The following PKP4 variants were observed in gnomAD, a reference collection of about 807,000 sequenced individuals.
The protein encoded by PKP4 is plakophilin 4.
Under a neutral mutation model 145.1 loss-of-function variants are expected in PKP4, and 90 were observed. The ratio of observed to expected loss-of-function variants is 0.62; its 90% CI spans 0.52 to 0.74. PKP4 has a LOEUF of 0.74. Among genes scored for constraint, PKP4 ranks in the 30% least tolerant of loss-of-function variants. The pLI is 0.00. For missense variants in PKP4, 1,340 were observed against 1,482.7 expected (o/e 0.90, Z 1.58); for synonymous variants, 563 against 577.2 (o/e 0.98, Z 0.35).
chr2:158,593,963 T>G (rs997682886), intron 3 of PKP4, among the ~76,000 whole-genome samples: 7 of 152,240 alleles, frequency 4.6e-5, no homozygotes, highest in Non-Finnish European at 1.0e-4. Context: ...CTGTCCCTGT[T>G]GCTCATGATT....
At chr2:158,643,309 G>A (rs1322195760) in intron 11 of PKP4, among the ~76,000 whole-genome samples, 1 of 152,196 alleles carries the variant, frequency 6.6e-6, no homozygotes, top group Admixed American at 6.5e-5. Flanking sequence ...GTTGGCCTAA[G>A]GGATGAGGAA....
intron 3 of PKP4, among the ~76,000 whole-genome samples, chr2:158,585,365 G>T (rs190868198): frequency 2.0e-5 from 3 of 152,242 alleles, no homozygotes; most frequent in Admixed American, 6.5e-5. Flanking sequence ...CTTAAGAAAA[G>T]AACTGGTTTA....
chr2:158,461,120 A>G (rs1689698524), intron 1 of PKP4, among the ~76,000 whole-genome samples: 1 of 152,212 alleles, frequency 6.6e-6, no homozygotes, highest in East Asian at 1.9e-4. Context: ...CAAGAACAGT[A>G]ATTCATGTAC....
chr2:158,640,238 C>CT (rs1261522833), intron 9 of PKP4, among the ~76,000 whole-genome samples: 2 of 152,238 alleles, frequency 1.3e-5, no homozygotes, highest in African/African-American at 4.8e-5. Context: ...AGCCCTTCCT[C>CT]TCCCTTCAGG....
chr2:158,655,474 G>A (rs1373982382), intron 11 of PKP4, among the ~76,000 whole-genome samples: 8 of 152,148 alleles, frequency 5.3e-5, no homozygotes, highest in Non-Finnish European at 1.2e-4. Flanking sequence ...GATCCAATAT[G>A]CTGAAAAACT....
intron 1 of PKP4, among the ~76,000 whole-genome samples, chr2:158,468,770 CTTTTTTT>C (rs58577988): frequency 1.8e-5 from 2 of 109,968 alleles, no homozygotes; most frequent in Non-Finnish European, 3.5e-5. Flanking sequence ...TCTTCTTCTT[CTTTTTTT>C]TTTTTTTTTT....
At chr2:158,522,824 G>A (rs537546569) in intron 1 of PKP4, among the ~76,000 whole-genome samples, 28 of 152,338 alleles carry the variant, frequency 1.8e-4, no homozygotes, top group South Asian at 4.1e-4. Flanking sequence ...CCTGGGAAGC[G>A]CAAGGGGTCA....
chr2:158,576,785 G>T (rs2047891241), intron 2 of PKP4, among the ~76,000 whole-genome samples: 1 of 148,984 alleles, frequency 6.7e-6, no homozygotes, highest in African/African-American at 2.5e-5. Context: ...TTTTTCTGTG[G>T]CATTGGAATC....
At chr2:158,629,846 A>G (rs1004061062) in intron 7 of PKP4, among the ~76,000 whole-genome samples, 5 of 152,024 alleles carry the variant, frequency 3.3e-5, no homozygotes, top group African/African-American at 4.8e-5. Context: ...GGTTCAAGCA[A>G]TTCTCTGCCC....
chr2:158,653,382 G>A (rs1028271526), intron 11 of PKP4, among the ~76,000 whole-genome samples: 6 of 152,164 alleles, frequency 3.9e-5, no homozygotes, highest in Admixed American at 3.9e-4. Flanking sequence ...AGTTTTAAAT[G>A]TGAGCTCTTT....
chr2:158,457,323 G>A (rs1269938603), intron 1 of PKP4, 105 bp downstream of exon 1: 1 of 151,906 alleles, frequency 6.6e-6, no homozygotes, highest in East Asian at 2.0e-4. Flanking sequence ...CCGGGGGCCG[G>A]GGGCCTCCCT....
chr2:158,468,480 A>C (rs1431345700), intron 1 of PKP4, among the ~76,000 whole-genome samples: 5 of 152,182 alleles, frequency 3.3e-5, no homozygotes, highest in Non-Finnish European at 7.3e-5. Context: ...GATAGCAGGC[A>C]CATTTAATTT....
chr2:158,673,006 T>G (rs187967745), intron 17 of PKP4, among the ~76,000 whole-genome samples: 1 of 152,258 alleles, frequency 6.6e-6, no homozygotes, highest in African/African-American at 2.4e-5. Context: ...TCTGAGGGCC[T>G]TAGCTGAGGC....
chr2:158,497,668 C>T (rs1050027336), intron 1 of PKP4, among the ~76,000 whole-genome samples: 1 of 152,140 alleles, frequency 6.6e-6, no homozygotes, highest in African/African-American at 2.4e-5. Context: ...GCTCTGTGTA[C>T]TCAGTTGTGA....
chr2:158,657,406 T>C (rs529920782), intron 11 of PKP4, among the ~76,000 whole-genome samples: 19 of 152,346 alleles, frequency 1.2e-4, no homozygotes, highest in Non-Finnish European at 2.5e-4. Flanking sequence ...AATCTTGATA[T>C]GAATTACAAT....
At chr2:158,680,239 G>A (rs2058350801) in intron 21 of PKP4, among the ~76,000 whole-genome samples, 190 bp from the exon 22 acceptor site, 1 of 152,226 alleles carries the variant, frequency 6.6e-6, no homozygotes, top group Non-Finnish European at 1.5e-5. Flanking sequence ...GCCTGCCTGA[G>A]AATGCAGCTT....
intron 3 of PKP4, among the ~76,000 whole-genome samples, chr2:158,592,004 C>T (rs917224814): frequency 2.6e-5 from 4 of 152,070 alleles, no homozygotes; most frequent in African/African-American, 9.7e-5. Context: ...TTCTGTTTGC[C>T]TTGAAGGGTA....
intron 2 of PKP4, among the ~76,000 whole-genome samples, chr2:158,551,139 G>C (rs1357450246): frequency 6.6e-6 from 1 of 152,132 alleles, no homozygotes; most frequent in African/African-American, 2.4e-5. Flanking sequence ...GGCTTACGTG[G>C]AAAAGAATAG....
chr2:158,590,312 A>AGTGTGTGTGTGT lies in PKP4; in HGVS notation c.246-12723_246-12712dup, dbSNP rs57003090. Among the ~76,000 whole-genome samples, 257 of 124,238 alleles carry AGTGTGTGTGTGT rather than the reference A, an allele frequency of 2.1e-3. 3 individuals are homozygous for AGTGTGTGTGTGT. Among genetic ancestry groups the AGTGTGTGTGTGT allele is most frequent in the Admixed American group, 3.8e-3 (46 of 12,118 alleles). The allele number at this position is 124,238 out of a possible 152,430, so 81.5% of individuals were successfully genotyped here. On this transcript the variant is annotated intron_variant, in intron 3 of 21. Coordinates refer to ENST00000389759, the MANE Select transcript of PKP4 (RefSeq NM_003628.6). ...TTATAATCCAAGGAGGAATGTCTTGAGTGTGTGTGTGTGTGTGTGTGTGTG... is the reference window on the plus strand; with the variant it reads ...TTATAATCCAAGGAGGAATGTCTTGAGTGTGTGTGTGTGTGTGTGTGTGTGTGTGTGTGTGTG...
Sources: gnomAD v4.1 joint callset for allele counts (sites outside exome capture counted in the v4.1 genomes callset) on GRCh38, gnomAD v4.1.1 for gene constraint, MANE v1.5 for transcripts, NCBI Gene and HGNC (gene_info 2026-07-23, HGNC 2026-07-21) for gene names.